ARHGAP10: variants seen among roughly 807,000 people sequenced by gnomAD.
ARHGAP10 encodes rho GTPase-activating protein 10.
Under a neutral mutation model 108.6 loss-of-function variants are expected in ARHGAP10, and 87 were observed. That is an observed-to-expected ratio of 0.80 (90% confidence interval 0.67 to 0.96). The LOEUF (loss-of-function observed/expected upper bound fraction) is 0.96. Among genes scored for constraint, ARHGAP10 ranks in the 40% least tolerant of loss-of-function variants. The probability of loss-of-function intolerance (pLI) is 0.00; values close to 1 mark genes in which losing one functional copy is unlikely to be tolerated. For missense variants in ARHGAP10, 939 were observed against 954.5 expected (o/e 0.98, Z 0.21); for synonymous variants, 347 against 341.1 (o/e 1.02, Z -0.19).
intron 13 of ARHGAP10, among the ~76,000 whole-genome samples, chr4:147,923,106 A>G (rs1737315709): frequency 6.6e-6 from 1 of 152,256 alleles, no homozygotes; most frequent in Non-Finnish European, 1.5e-5. Flanking sequence ...AGTTATTGGA[A>G]GAATTTATAT....
At chr4:147,760,620 A>G (rs1235366491) in intron 1 of ARHGAP10, among the ~76,000 whole-genome samples, 1 of 152,216 alleles carries the variant, frequency 6.6e-6, no homozygotes, top group Non-Finnish European at 1.5e-5. Context: ...TTGGACATAC[A>G]CAGAGATTCC....
intron 13 of ARHGAP10, among the ~76,000 whole-genome samples, chr4:147,914,385 C>T (rs1029778499): frequency 1.3e-5 from 2 of 151,760 alleles, no homozygotes; most frequent in Admixed American, 1.3e-4. Flanking sequence ...TAAGATAGGG[C>T]CTCACTCTGT....
intron 18 of ARHGAP10, among the ~76,000 whole-genome samples, chr4:148,012,685 T>C (rs926196169): frequency 6.6e-6 from 1 of 152,180 alleles, no homozygotes; most frequent in Non-Finnish European, 1.5e-5. Flanking sequence ...GTAAAAGTAA[T>C]TGTAAAAACC....
In ARHGAP10 at chr4:147,732,291, C is replaced by G. The variant is rs1194423822; in HGVS notation, c.-11C>G. 2.5e-6 allele frequency: 4 copies of G among 1,601,066 alleles called. No individual in the cohort carries two copies. The highest frequency in any genetic ancestry group is 3.4e-6 in the Non-Finnish European group (4 of 1,174,666). ...CGCGGCCGTGCGCACCGCGCAGCGA[C>G]CGCTGCCGTCATGGGGCTGCAGCCC... On this transcript the variant is annotated 5_prime_UTR_variant, in exon 1 of 23. Transcript: ENST00000336498.
intron 3 of ARHGAP10, among the ~76,000 whole-genome samples, chr4:147,823,864 A>C (rs1321381244): frequency 6.6e-6 from 1 of 152,208 alleles, no homozygotes; most frequent in Admixed American, 6.5e-5. Flanking sequence ...TCTCATTTGC[A>C]CTCAACTGTA....
At chr4:148,027,438 T>C (rs140503814) in intron 19 of ARHGAP10, among the ~76,000 whole-genome samples, 76 of 152,372 alleles carry the variant, frequency 5.0e-4, no homozygotes, top group Non-Finnish European at 9.3e-4. Context: ...CTGCAGCACA[T>C]TTTGTTGAGC....
intron 18 of ARHGAP10, among the ~76,000 whole-genome samples, chr4:148,009,173 T>C (rs1285408599): frequency 6.6e-6 from 1 of 151,728 alleles, no homozygotes; most frequent in African/African-American, 2.4e-5. Context: ...GCTTTGTCGC[T>C]CAGCTGGAGT....
chr4:147,942,094 A>G (rs1738183192), intron 14 of ARHGAP10, among the ~76,000 whole-genome samples: 1 of 152,210 alleles, frequency 6.6e-6, no homozygotes, highest in African/African-American at 2.4e-5. Context: ...TATCCTGAAG[A>G]GGAAAAAATT....
chr4:148,030,162 G>T (rs1393936430), intron 19 of ARHGAP10, among the ~76,000 whole-genome samples: 1 of 151,982 alleles, frequency 6.6e-6, no homozygotes, highest in Non-Finnish European at 1.5e-5. Context: ...ATACATAGCT[G>T]CTTCTGTGGT....
chr4:147,917,956 GC>G (rs1737057267), intron 13 of ARHGAP10, among the ~76,000 whole-genome samples: 2 of 152,076 alleles, frequency 1.3e-5, no homozygotes, highest in African/African-American at 4.8e-5. Flanking sequence ...CTGCAATCAG[GC>G]AGCCTTAGGA....
intron 11 of ARHGAP10, among the ~76,000 whole-genome samples, 197 bp downstream of exon 11, chr4:147,906,916 A>C (rs1736521534): frequency 6.6e-6 from 1 of 152,200 alleles, no homozygotes; most frequent in South Asian, 2.1e-4. Flanking sequence ...GTGTATCATT[A>C]GTTTTTATTT....
intron 18 of ARHGAP10, among the ~76,000 whole-genome samples, chr4:147,999,271 G>A (rs113309448): frequency 6.4e-4 from 97 of 152,362 alleles, no homozygotes; most frequent in Non-Finnish European, 1.1e-3. Context: ...GAGCACAGCA[G>A]GAGGGACAGT....
intron 18 of ARHGAP10, among the ~76,000 whole-genome samples, chr4:148,002,948 T>G (rs1310398972): frequency 1.3e-5 from 2 of 152,222 alleles, no homozygotes; most frequent in Non-Finnish European, 2.9e-5. Context: ...ATTTCTTGCC[T>G]TCTGCTAGCT....
chr4:147,829,813 T>A (rs528085231), intron 3 of ARHGAP10, among the ~76,000 whole-genome samples: 9 of 152,366 alleles, frequency 5.9e-5, no homozygotes, highest in Admixed American at 5.9e-4. Flanking sequence ...TCTCTACATG[T>A]ATTCTTTTAT....
At chr4:147,917,793 T>A (rs1274822165) in intron 13 of ARHGAP10, among the ~76,000 whole-genome samples, 1 of 152,206 alleles carries the variant, frequency 6.6e-6, no homozygotes, top group East Asian at 1.9e-4. Flanking sequence ...TTTTTGATCA[T>A]GAAAATAAAA....
At chr4:147,874,053 C>T (rs1435168006) in intron 7 of ARHGAP10, among the ~76,000 whole-genome samples, 1 of 151,830 alleles carries the variant, frequency 6.6e-6, no homozygotes, top group Non-Finnish European at 1.5e-5. Context: ...CCTCTGCAGA[C>T]AGGTTTTCCC....
rs773968023 is a variant in ARHGAP10 at position 147,978,618 on chromosome 4, G to A, written c.1716+11779G>A. On this transcript the variant is annotated intron_variant, in intron 18 of 22. Coordinates refer to ENST00000336498, the MANE Select transcript of ARHGAP10 (RefSeq NM_024605.4). ...AGTAAGGTGTGCTTGCTTTTCCTTC[G>A]CCTTCCACCATGATTGTAATTTTCC... 8.6e-5 allele frequency among the ~76,000 whole-genome samples: 13 copies of A among 151,968 alleles called. 1 individual carries two copies. The South Asian group carries it at 1.7e-3, about 19-fold the overall frequency.
intron 1 of ARHGAP10, among the ~76,000 whole-genome samples, chr4:147,797,103 G>A (rs1229045806): frequency 2.0e-5 from 3 of 152,184 alleles, no homozygotes; most frequent in Admixed American, 6.5e-5. Context: ...GGGGTTCAAA[G>A]TTGTTAAATC....
chr4:147,959,883 C>T (rs1738929015), intron 16 of ARHGAP10, among the ~76,000 whole-genome samples: 1 of 152,150 alleles, frequency 6.6e-6, no homozygotes, highest in Non-Finnish European at 1.5e-5. Context: ...AGTATTTAAA[C>T]TAGGTTTTCA....
Sources: gnomAD v4.1 joint callset for allele counts (sites outside exome capture counted in the v4.1 genomes callset) on GRCh38, gnomAD v4.1.1 for gene constraint, MANE v1.5 for transcripts, NCBI Gene and HGNC (gene_info 2026-07-23, HGNC 2026-07-21) for gene names.